The following PTPRA variants were observed in gnomAD, a reference collection of about 807,000 sequenced individuals.
The protein encoded by PTPRA is receptor-type tyrosine-protein phosphatase alpha.
Under a neutral mutation model 104.8 loss-of-function variants are expected in PTPRA, and 25 were observed. That is an observed-to-expected ratio of 0.24 (90% CI 0.17 to 0.33). The LOEUF (loss-of-function observed/expected upper bound fraction) is 0.33. PTPRA is among the 10% of genes least tolerant of loss of function. The pLI, the probability that PTPRA is intolerant of heterozygous loss-of-function variation, is 1.00. For missense variants in PTPRA, 765 were observed against 1,015.3 expected (o/e 0.75, Z 3.35); for synonymous variants, 323 against 368.9 (o/e 0.88, Z 1.43).
At position 3,026,758 on chromosome 20, in the gene PTPRA, C is replaced by T. The variant is rs2065164741; in HGVS notation, c.1686C>T (p.Asn562=). The T allele has an allele frequency of 6.2e-7, 1 of 1,612,018 alleles. No individual in the cohort carries two copies. The highest frequency in any genetic ancestry group is 1.7e-5 in the Admixed American group (1 of 60,010). The part of the protein sequence containing the change: ...TGNLPANMKK[N]RVLQIIPYEF... ...ACCTTCCAGCCAACATGAAGAAGAA[C>T]CGTGTTTTACAGATCATTCCATGTA... Residue 562 remains asparagine (N), a synonymous_variant, in exon 18 of 24, where the codon AAC becomes AAT. Coordinates refer to ENST00000399903, the MANE Select transcript of PTPRA (RefSeq NM_001385305.1).
intron 13 of PTPRA, among the ~76,000 whole-genome samples, chr20:3,020,475 G>T (rs574302803): frequency 6.6e-6 from 1 of 152,282 alleles, no homozygotes; most frequent in African/African-American, 2.4e-5. Context: ...GAGGCCTTTG[G>T]TATATCCTGG....
chr20:2,900,431 C>CAGCCTCATTG (rs1303627399), intron 1 of PTPRA, among the ~76,000 whole-genome samples: 2 of 152,180 alleles, frequency 1.3e-5, no homozygotes, highest in Non-Finnish European at 2.9e-5. Flanking sequence ...TTCCATGAGC[C>CAGCCTCATTG]ATTGTTACAT....
intron 9 of PTPRA, among the ~76,000 whole-genome samples, chr20:2,996,162 A>G (rs969246629): frequency 6.6e-6 from 1 of 152,382 alleles, no homozygotes; most frequent in East Asian, 1.9e-4. Flanking sequence ...AAGCAAAAAC[A>G]AACAGAACTA....
intron 2 of PTPRA, among the ~76,000 whole-genome samples, chr20:2,945,604 TGTGTGTG>T (rs2061098109): frequency 1.3e-5 from 2 of 151,326 alleles, no homozygotes; most frequent in South Asian, 4.2e-4. Flanking sequence ...TGTGTGTGTG[TGTGTGTG>T]TAAATAAATA....
chr20:2,982,665 TG>T (rs1306170989), intron 6 of PTPRA, among the ~76,000 whole-genome samples: 1 of 152,060 alleles, frequency 6.6e-6, no homozygotes, highest in African/African-American at 2.4e-5. Flanking sequence ...ATAAGGTCCT[TG>T]CCTTACAAAA....
intron 6 of PTPRA, among the ~76,000 whole-genome samples, chr20:2,976,828 G>C (rs2062452449): frequency 6.6e-6 from 1 of 152,216 alleles, no homozygotes; most frequent in African/African-American, 2.4e-5. Flanking sequence ...AGATGAATTA[G>C]GGGCTACCTG....
chr20:3,027,516 G>C (rs1175521920), intron 19 of PTPRA, among the ~76,000 whole-genome samples, 191 bp from the exon 20 acceptor site: 7 of 152,210 alleles, frequency 4.6e-5, no homozygotes, highest in African/African-American at 1.4e-4. Context: ...TCTAATCCCT[G>C]TTCCACTTCC....
At chr20:2,931,718 TTGTG>T (rs11469421) in intron 2 of PTPRA, among the ~76,000 whole-genome samples, 60,863 of 149,176 alleles carry the variant, frequency 0.41, 12,862 homozygotes, top group East Asian at 0.58. Context: ...GGGTCTTGGC[TTGTG>T]TGTGTGTGTG....
intron 3 of PTPRA, among the ~76,000 whole-genome samples, chr20:2,949,803 A>G (rs894047163): frequency 6.6e-6 from 1 of 151,942 alleles, no homozygotes; most frequent in Non-Finnish European, 1.5e-5. Flanking sequence ...AAAATCTTGA[A>G]TTCATATGTT....
intron 9 of PTPRA, among the ~76,000 whole-genome samples, chr20:2,995,023 G>A (rs756086160): frequency 6.6e-5 from 10 of 152,082 alleles, no homozygotes; most frequent in African/African-American, 2.4e-5. Flanking sequence ...CCAGCTACTC[G>A]GGAGGCTGAG....
intron 20 of PTPRA, among the ~76,000 whole-genome samples, chr20:3,033,831 C>T (rs1012136661): frequency 6.7e-6 from 1 of 149,802 alleles, no homozygotes; most frequent in African/African-American, 2.5e-5. Context: ...ACCCGGGAGC[C>T]GGAGGTTGCA....
At chr20:2,887,186 A>G (rs2090437795) in intron 1 of PTPRA, among the ~76,000 whole-genome samples, 1 of 152,196 alleles carries the variant, frequency 6.6e-6, no homozygotes, top group Non-Finnish European at 1.5e-5. Context: ...TATTTTTAAG[A>G]TGGGTTTTAC....
chr20:2,943,214 C>CA (rs1555804510), intron 2 of PTPRA, among the ~76,000 whole-genome samples: 3 of 36,366 alleles, frequency 8.2e-5, no homozygotes, highest in Non-Finnish European at 1.9e-4. Flanking sequence ...TATCCCCCCA[C>CA]CCCCCCCCCA....
chr20:2,872,127 C>T (rs2089444035), upstream of PTPRA, among the ~76,000 whole-genome samples: 1 of 143,542 alleles, frequency 7.0e-6, no homozygotes, highest in Admixed American at 6.9e-5. This position sits in a 1 kb window ranked among gnomAD's most constrained non-coding sequence, Gnocchi z 7.9. Flanking sequence ...GTAGGGGCTG[C>T]TGATGTGAGC....
chr20:2,975,152 A>G, intron 5 of PTPRA, 63 bp from the exon 6 acceptor site: 1 of 1,392,924 alleles, frequency 7.2e-7, no homozygotes, highest in South Asian at 1.2e-5. Context: ...GTTGTACTCT[A>G]ATTGAATTGT....
intron 18 of PTPRA, 84 bp downstream of exon 18, chr20:3,026,864 A>G: frequency 1.7e-6 from 2 of 1,200,698 alleles, no homozygotes; most frequent in Non-Finnish European, 2.5e-6. Flanking sequence ...GTACTAGTTA[A>G]TGATTGGCGT....
rs2089509601 is a variant in PTPRA, at chr20:2,873,776, C to T, written c.-129+16C>T. The T allele has an allele frequency of 6.6e-6, 1 of 152,072 alleles. No individual in the cohort carries two copies. The highest frequency in any genetic ancestry group is 2.1e-4 in the South Asian group (1 of 4,838). The allele number at this position is 152,072 out of a possible 1,614,324, so 9.4% of individuals were successfully genotyped here. A position where few individuals can be genotyped will look rare whatever the true frequency, so the allele number is the denominator to read the frequency against. ...GCCCGACTCTGTGAGTGTTCGCGGC[C>T]GCTGCGCCCGGGTGGGCTCCGGAAG... On this transcript the variant is annotated intron_variant, in intron 1 of 23. Coordinates refer to ENST00000399903, the MANE Select transcript of PTPRA (RefSeq NM_001385305.1). The surrounding 1 kb of genome is among the most constrained non-coding windows in gnomAD (Gnocchi z 4.4).
In PTPRA at chr20:3,032,571, G is replaced by A. The variant is rs12053618; in HGVS notation, c.1921-3014G>A. Among the ~76,000 whole-genome samples the A allele has an allele frequency of 7.3e-3, 1,109 of 151,148 alleles. 17 individuals carry two copies. Among genetic ancestry groups the A allele is most frequent in the Admixed American group, 0.042 (634 of 15,228 alleles). ...TCACAAAGTCAGGAGATCGAGACCAGCCTGGCCAACATGGCAAAACCCCAT... is the reference window on the plus strand; with the variant it reads ...TCACAAAGTCAGGAGATCGAGACCAACCTGGCCAACATGGCAAAACCCCAT... On this transcript the variant is annotated intron_variant, in intron 20 of 23. Transcript: ENST00000399903.
intron 1 of PTPRA, among the ~76,000 whole-genome samples, chr20:2,890,432 A>G (rs1422948476): frequency 6.6e-6 from 1 of 152,074 alleles, no homozygotes; most frequent in East Asian, 1.9e-4. Flanking sequence ...TACTCTATGT[A>G]TTTGTTTGTT....
Sources: gnomAD v4.1 joint callset for allele counts (sites outside exome capture counted in the v4.1 genomes callset) on GRCh38, gnomAD v4.1.1 for gene constraint, Gnocchi (gnomAD v3.1) non-coding constraint, MANE v1.5 for transcripts, NCBI Gene and HGNC (gene_info 2026-07-23, HGNC 2026-07-21) for gene names.